Variants in NUS1 observed in about 807,000 individuals in gnomAD.
The protein encoded by NUS1 is dehydrodolichyl diphosphate synthase complex subunit NUS1.
For synonymous variants in NUS1, 135 were observed against 155.2 expected (o/e 0.87, Z 0.97); for missense variants, 292 against 382.9 (o/e 0.76, Z 1.98).
chr6:117,676,686 A>G (rs1229686326), intron 1 of NUS1, among the ~76,000 whole-genome samples: 1 of 152,268 alleles, frequency 6.6e-6, no homozygotes, highest in Non-Finnish European at 1.5e-5. Flanking sequence ...TAAAAACATT[A>G]ACTGATTTGC....
At chr6:117,681,579 T>C (rs1773062516) in intron 1 of NUS1, among the ~76,000 whole-genome samples, 1 of 152,288 alleles carries the variant, frequency 6.6e-6, no homozygotes, top group Non-Finnish European at 1.5e-5. Flanking sequence ...TTAAGTTTAT[T>C]CTCCTTATGT....
Position 117,675,512 on chromosome 6 carries a change from G to T in NUS1, c.-159G>T, listed in dbSNP as rs947555379. 4.4e-6 allele frequency: 3 copies of T among 682,630 alleles called. No individual in the cohort carries two copies. Among genetic ancestry groups the T allele is most frequent in the African/African-American group, 3.7e-5 (2 of 54,312 alleles). 42.3% of individuals were successfully genotyped at this position (682,630 alleles called of 1,614,324 possible). A position where few individuals can be genotyped will look rare whatever the true frequency, so the allele number is the denominator to read the frequency against. ...CTGCCAAGGGAGGAGGAAGATGGCG[G>T]CGGGGGCGAGGTGAGGTGTTGGCAG... On this transcript the variant is annotated 5_prime_UTR_variant, in exon 1 of 5. Coordinates refer to ENST00000368494, the MANE Select transcript of NUS1 (RefSeq NM_138459.5).
At chr6:117,685,558 C>T (rs1053044304) in intron 1 of NUS1, among the ~76,000 whole-genome samples, 2 of 151,890 alleles carry the variant, frequency 1.3e-5, no homozygotes. Context: ...TGCTACATTG[C>T]TCAGGCTGGT....
intron 1 of NUS1, among the ~76,000 whole-genome samples, chr6:117,691,167 C>A (rs895291298): frequency 2.6e-5 from 4 of 151,888 alleles, no homozygotes; most frequent in African/African-American, 9.7e-5. Context: ...CTGCTGCTTG[C>A]CCTTCTATAT....
intron 1 of NUS1, among the ~76,000 whole-genome samples, chr6:117,683,545 A>G (rs1773093219): frequency 6.6e-6 from 1 of 152,174 alleles, no homozygotes; most frequent in Non-Finnish European, 1.5e-5. Context: ...AGGTAGGCCA[A>G]TTTTTAGAAC....
chr6:117,685,666 T>C (rs1773126462), intron 1 of NUS1, among the ~76,000 whole-genome samples: 1 of 152,234 alleles, frequency 6.6e-6, no homozygotes, highest in African/African-American at 2.4e-5. Flanking sequence ...TTAACTTTTT[T>C]CTTTATATTT....
chr6:117,690,892 A>G (rs1773206863), intron 1 of NUS1, among the ~76,000 whole-genome samples: 1 of 148,868 alleles, frequency 6.7e-6, no homozygotes, highest in South Asian at 2.1e-4. Flanking sequence ...ACTCAGGAGA[A>G]TCGCATGAAC....
intron 4 of NUS1, among the ~76,000 whole-genome samples, chr6:117,704,408 A>G (rs1229300767): frequency 1.3e-5 from 2 of 152,186 alleles, no homozygotes; most frequent in African/African-American, 4.8e-5. Flanking sequence ...GCCAGATAGT[A>G]AATATTTTAG....
chr6:117,676,210 T>C, intron 1 of NUS1, 125 bp downstream of exon 1: 1 of 1,429,634 alleles, frequency 7.0e-7, no homozygotes, highest in Non-Finnish European at 9.4e-7. Flanking sequence ...GCTAGCGCTT[T>C]CGAGGAAGGG....
At chr6:117,694,277 GTTTC>G in intron 3 of NUS1, 97 bp downstream of exon 3, 1 of 646,562 alleles carries the variant, frequency 1.5e-6, no homozygotes, top group Non-Finnish European at 2.3e-6. Context: ...AAATATTTTT[GTTTC>G]TTTCACACCA....
chr6:117,686,852 ATGTGTGTGTG>A (rs56080181), intron 1 of NUS1, among the ~76,000 whole-genome samples: 14,648 of 139,134 alleles, frequency 0.11, 728 homozygotes, highest in South Asian at 0.14. Context: ...TGAAGTGTGT[ATGTGTGTGTG>A]TGTGTGTGTG....
chr6:117,708,103 T>G lies in NUS1; in HGVS notation c.*1088T>G. 1 of 152,366 alleles carries G rather than the reference T, an allele frequency of 6.6e-6. No homozygotes were observed. The highest frequency in any genetic ancestry group is 2.1e-4 in the South Asian group (1 of 4,836). 9.4% of individuals were successfully genotyped at this position (152,366 alleles called of 1,614,324 possible). A position where few individuals can be genotyped will look rare whatever the true frequency, so the allele number is the denominator to read the frequency against. ...CATGGTTAATACCTGAGATTTTTACTCAGTAAATCCTGATGGTTACTGTGT... is the reference window on the plus strand; with the variant it reads ...CATGGTTAATACCTGAGATTTTTACGCAGTAAATCCTGATGGTTACTGTGT... On this transcript the variant is annotated 3_prime_UTR_variant, in exon 5 of 5. Transcript: ENST00000368494.
chr6:117,696,484 G>A (rs943662651), intron 3 of NUS1, among the ~76,000 whole-genome samples: 7 of 151,762 alleles, frequency 4.6e-5, no homozygotes, highest in African/African-American at 1.5e-4. Flanking sequence ...AACTATGAAA[G>A]GTCAAGGATT....
At chr6:117,680,870 T>G (rs1773052185) in intron 1 of NUS1, among the ~76,000 whole-genome samples, 1 of 152,200 alleles carries the variant, frequency 6.6e-6, no homozygotes, top group Non-Finnish European at 1.5e-5. Flanking sequence ...TCTAGTGCTA[T>G]TTCCTTAGTT....
chr6:117,696,409 G>A (rs1451030387), intron 3 of NUS1, among the ~76,000 whole-genome samples: 1 of 151,822 alleles, frequency 6.6e-6, no homozygotes, highest in East Asian at 1.9e-4. Flanking sequence ...TTCAACTACA[G>A]GAAGATTATA....
chr6:117,677,095 G>A (rs998625050), intron 1 of NUS1, among the ~76,000 whole-genome samples: 1 of 152,176 alleles, frequency 6.6e-6, no homozygotes, highest in Non-Finnish European at 1.5e-5. Context: ...TCACCATAGG[G>A]AGTTTTTGTA....
rs541521750 is a variant in NUS1 at position 117,698,286 on chromosome 6, A to G, written c.691+4106A>G. Among the ~76,000 whole-genome samples, 506 of 152,208 alleles carry G rather than the reference A, an allele frequency of 3.3e-3. 4 individuals are homozygous for G. The highest frequency in any genetic ancestry group is 0.01 in the Middle Eastern group (3 of 294). ...AATTGAGAAATCTTTAGTTAGACCAAGGAAAAAAACCAGAAGACCCAAATA... is the reference window on the plus strand; with the variant it reads ...AATTGAGAAATCTTTAGTTAGACCAGGGAAAAAAACCAGAAGACCCAAATA... On this transcript the variant is annotated intron_variant, in intron 3 of 4. Transcript: ENST00000368494.
intron 3 of NUS1, among the ~76,000 whole-genome samples, chr6:117,703,078 G>A (rs1231188822): frequency 6.6e-6 from 1 of 152,174 alleles, no homozygotes; most frequent in Non-Finnish European, 1.5e-5. Flanking sequence ...TGGGGACCAA[G>A]GAAGACATTT....
chr6:117,705,160 A>T (rs1317135701), intron 4 of NUS1, among the ~76,000 whole-genome samples: 1 of 152,170 alleles, frequency 6.6e-6, no homozygotes, highest in African/African-American at 2.4e-5. Flanking sequence ...TAGGGAAGAG[A>T]GACATTGTTC....
Sources: gnomAD v4.1 joint callset for allele counts (sites outside exome capture counted in the v4.1 genomes callset) on GRCh38, gnomAD v4.1.1 for gene constraint, MANE v1.5 for transcripts, NCBI Gene and HGNC (gene_info 2026-07-23, HGNC 2026-07-21) for gene names.